Variants in ASIC2 observed in about 807,000 individuals in gnomAD.
ASIC2 encodes the protein acid sensing ion channel subunit 2.
Under a neutral mutation model 57.3 loss-of-function variants are expected in ASIC2, and 25 were observed. The ratio of observed to expected loss-of-function variants is 0.44; its 90% CI spans 0.32 to 0.61. The LOEUF is 0.61. ASIC2 is among the 20% of genes least tolerant of loss of function. ASIC2 has a pLI of 0.06. For synonymous variants in ASIC2, 319 were observed against 307.5 expected, an observed-to-expected ratio of 1.04 and a Z score of -0.39; for missense variants, 641 against 738.1, an observed-to-expected ratio of 0.87 and a Z score of 1.52.
At chr17:34,072,200 T>C (rs1909436996) in intron 1 of ASIC2, 1 of 152,302 alleles carries the variant, frequency 6.6e-6, no homozygotes, top group East Asian at 1.9e-4. Context: ...TGCATAGCTG[T>C]GAGTCTGCCT....
At chr17:33,741,020 C>T (rs532062528) in intron 1 of ASIC2, among the ~76,000 whole-genome samples, 131 of 152,248 alleles carry the variant, frequency 8.6e-4, no homozygotes, top group Admixed American at 1.6e-3. Context: ...CCTAGCCAGC[C>T]CTGTGTGCAG....
chr17:33,728,396 A>G (rs939001479), intron 1 of ASIC2, among the ~76,000 whole-genome samples: 1 of 152,128 alleles, frequency 6.6e-6, no homozygotes, highest in African/African-American at 2.4e-5. Flanking sequence ...TGCTCTTTTA[A>G]TGGTCAGCTT....
rs549684448 is a variant in ASIC2 at position 33,596,774 on chromosome 17, A to T, written c.556-484707T>A. Among the ~76,000 whole-genome samples, 3 of 152,298 alleles carry T rather than the reference A, an allele frequency of 2.0e-5. No homozygotes were observed. The South Asian group carries it at 6.2e-4, about 32-fold the overall frequency. The stretch of plus-strand genomic sequence containing the variant: ...TTGCCACCAGCCATCTTTTATGCTA[A>T]CAGAGTGGCTTATGCTCTTGAAAGC... On this transcript the variant is annotated intron_variant, in intron 1 of 9. Coordinates refer to the ASIC2 transcript ENST00000359872.
At position 33,211,146 on chromosome 17, in the gene ASIC2, G is replaced by A. The variant is rs191284062; in HGVS notation, c.708+80262C>T. 2.4e-3 allele frequency among the ~76,000 whole-genome samples: 364 copies of A among 152,302 alleles called. 1 individual carries two copies. The highest frequency in any genetic ancestry group is 3.8e-3 in the Non-Finnish European group (257 of 68,012). Reference sequence around the variant, plus strand: ...AAATGGGGACAGTTCCAGGGGTGACGGATAGCATGTGTGACAGCGCAGAAG... The same window carrying A: ...AAATGGGGACAGTTCCAGGGGTGACAGATAGCATGTGTGACAGCGCAGAAG... On this transcript the variant is annotated intron_variant, in intron 1 of 9. Transcript: ENST00000225823.
At chr17:33,909,400 T>C (rs965625508) in intron 1 of ASIC2, among the ~76,000 whole-genome samples, 6 of 152,038 alleles carry the variant, frequency 3.9e-5, no homozygotes, top group Non-Finnish European at 4.4e-5. Context: ...CTGGGGTGAG[T>C]TGGCAGGCAC....
intron 1 of ASIC2, among the ~76,000 whole-genome samples, chr17:34,021,837 G>GTTTTTTTTTTTTT (rs11394863): frequency 1.4e-4 from 16 of 118,316 alleles, no homozygotes; most frequent in South Asian, 2.9e-4. Context: ...GTTTTGTTTT[G>GTTTTTTTTTTTTT]TTTTTTTTTT....
At chr17:33,840,476 A>G (rs1913401427) in intron 1 of ASIC2, among the ~76,000 whole-genome samples, 1 of 152,242 alleles carries the variant, frequency 6.6e-6, no homozygotes, top group South Asian at 2.1e-4. Context: ...ATAACTCTGC[A>G]TGTCCAGAAT....
intron 3 of ASIC2, among the ~76,000 whole-genome samples, chr17:33,049,872 C>A (rs1216512846): frequency 6.6e-6 from 1 of 152,110 alleles, no homozygotes; most frequent in Admixed American, 6.6e-5. Context: ...ATGCCCCTCA[C>A]CATTTTGGAA....
intron 1 of ASIC2, among the ~76,000 whole-genome samples, chr17:33,505,036 A>T (rs1914208044): frequency 6.6e-6 from 1 of 152,098 alleles, no homozygotes; most frequent in Non-Finnish European, 1.5e-5. Context: ...GAGTTTATGG[A>T]ATGGGTCTGG....
intron 1 of ASIC2, among the ~76,000 whole-genome samples, chr17:33,822,221 T>C (rs781569731): frequency 2.0e-5 from 3 of 152,214 alleles, no homozygotes; most frequent in Non-Finnish European, 4.4e-5. Flanking sequence ...CTGTTAGTGG[T>C]TGGCTTATGG....
intron 1 of ASIC2, among the ~76,000 whole-genome samples, chr17:33,696,167 C>G (rs1282123522): frequency 6.6e-6 from 1 of 152,176 alleles, no homozygotes; most frequent in Non-Finnish European, 1.5e-5. Context: ...TGCTGGGTTA[C>G]AAGGAGGCAC....
At chr17:33,725,157 C>T (rs1388222047) in intron 1 of ASIC2, among the ~76,000 whole-genome samples, 1 of 152,236 alleles carries the variant, frequency 6.6e-6, no homozygotes, top group Non-Finnish European at 1.5e-5. Flanking sequence ...CTCCCCACAG[C>T]CTCTCACTGG....
intron 1 of ASIC2, among the ~76,000 whole-genome samples, chr17:33,190,227 T>C (rs904962022): frequency 6.6e-6 from 1 of 152,200 alleles, no homozygotes; most frequent in African/African-American, 2.4e-5. Flanking sequence ...ATCAATTGTT[T>C]CAATATAGTA....
Position 33,286,804 on chromosome 17 carries a change from A to G in ASIC2, c.708+4604T>C, listed in dbSNP as rs1905216158. ...CTATTCACACACCTCTGTCCTCAAC[A>G]TCACTGAGAGCTCCCAAAGGGCATG... On this transcript the variant is annotated intron_variant, in intron 1 of 9. Coordinates refer to ENST00000225823, the MANE Select transcript of ASIC2 (RefSeq NM_183377.2). Among the ~76,000 whole-genome samples, 3 of 152,182 alleles carry G rather than the reference A, an allele frequency of 2.0e-5. No homozygotes were observed. In the South Asian group the frequency reaches 6.2e-4, roughly 32 times the overall value.
intron 2 of ASIC2, among the ~76,000 whole-genome samples, chr17:33,103,150 A>T (rs1317556479): frequency 1.3e-5 from 2 of 152,172 alleles, no homozygotes; most frequent in African/African-American, 4.8e-5. Context: ...GCTTGTGGTT[A>T]TGGAGGCAGT....
chr17:33,117,627 T>G (rs1339646220), intron 1 of ASIC2, among the ~76,000 whole-genome samples: 1 of 152,062 alleles, frequency 6.6e-6, no homozygotes, highest in Non-Finnish European at 1.5e-5. Context: ...TCAGAGACAT[T>G]GAAAGGAAGG....
intron 1 of ASIC2, among the ~76,000 whole-genome samples, chr17:34,068,603 T>C (rs1909263642): frequency 2.0e-5 from 3 of 152,278 alleles, no homozygotes; most frequent in East Asian, 1.9e-4. Flanking sequence ...TGGAACCAAA[T>C]GGTTTGAAAG....
intron 1 of ASIC2, among the ~76,000 whole-genome samples, chr17:33,750,179 T>A (rs1056940330): frequency 3.3e-5 from 5 of 151,858 alleles, no homozygotes; most frequent in Non-Finnish European, 7.4e-5. Context: ...TTCAAGGAGG[T>A]CAGGTGAGGG....
intron 1 of ASIC2, among the ~76,000 whole-genome samples, chr17:33,135,985 C>T (rs539670259): frequency 9.9e-5 from 15 of 152,250 alleles, no homozygotes; most frequent in East Asian, 7.7e-4. Flanking sequence ...GGCAGATAGA[C>T]GGGTAGCAAA....
Sources: gnomAD v4.1 joint callset for allele counts (sites outside exome capture counted in the v4.1 genomes callset) on GRCh38, gnomAD v4.1.1 for gene constraint, MANE v1.5 for transcripts, NCBI Gene and HGNC (gene_info 2026-07-23, HGNC 2026-07-21) for gene names.